Variants in ZSWIM6 observed in about 807,000 individuals in gnomAD.
ZSWIM6 encodes zinc finger SWIM domain-containing protein 6.
A neutral mutation model predicts 113.2 loss-of-function variants in ZSWIM6; 9 were observed. The ratio of observed to expected loss-of-function variants is 0.08; its 90% confidence interval spans 0.05 to 0.14. ZSWIM6 has a LOEUF of 0.14. Among genes scored for constraint, ZSWIM6 ranks in the 10% least tolerant of loss-of-function variants. The pLI, the probability that ZSWIM6 is intolerant of heterozygous loss-of-function variation, is 1.00. For synonymous variants in ZSWIM6, 611 were observed against 606.5 expected, an observed-to-expected ratio of 1.01 and a Z score of -0.11; for missense variants, 1,162 against 1,552.2, an observed-to-expected ratio of 0.75 and a Z score of 4.22.
intron 1 of ZSWIM6, among the ~76,000 whole-genome samples, chr5:61,432,583 T>C (rs990769540): frequency 1.3e-5 from 2 of 152,212 alleles, no homozygotes; most frequent in Non-Finnish European, 2.9e-5. Flanking sequence ...AGTTTCTTTA[T>C]GTCAGATGGG....
chr5:61,420,491 A>ATT (rs35661776), intron 1 of ZSWIM6, among the ~76,000 whole-genome samples: 181 of 148,588 alleles, frequency 1.2e-3, no homozygotes, highest in African/African-American at 4.0e-3. Flanking sequence ...CCAGAACACA[A>ATT]TTTTTTTTTT....
At chr5:61,382,648 CA>C (rs1286888865) in intron 1 of ZSWIM6, among the ~76,000 whole-genome samples, 1 of 151,630 alleles carries the variant, frequency 6.6e-6, no homozygotes, top group East Asian at 1.9e-4. Context: ...ACTAAAAATA[CA>C]AAAAAATTAG....
intron 3 of ZSWIM6, among the ~76,000 whole-genome samples, chr5:61,493,870 T>G (rs905290315): frequency 2.6e-5 from 4 of 151,024 alleles, no homozygotes; most frequent in Admixed American, 2.0e-4. Context: ...GAAGGAGAAC[T>G]GGAAAAAAAG....
chr5:61,509,657 A>T (rs1748724729), intron 4 of ZSWIM6, among the ~76,000 whole-genome samples: 1 of 152,164 alleles, frequency 6.6e-6, no homozygotes, highest in African/African-American at 2.4e-5. Flanking sequence ...GCTAGAGAGA[A>T]TAATGTCTAC....
intron 9 of ZSWIM6, among the ~76,000 whole-genome samples, 198 bp downstream of exon 9, chr5:61,531,923 C>T (rs1749446070): frequency 6.6e-6 from 1 of 152,120 alleles, no homozygotes; most frequent in Non-Finnish European, 1.5e-5. Context: ...AGATTTGTAT[C>T]ATTTGATTTA....
chr5:61,497,315 A>C (rs1410922577), intron 4 of ZSWIM6, among the ~76,000 whole-genome samples: 1 of 152,150 alleles, frequency 6.6e-6, no homozygotes, highest in East Asian at 1.9e-4. Flanking sequence ...GTGATCTATG[A>C]AAATTTAAAT....
At chr5:61,431,247 C>G (rs1404768204) in intron 1 of ZSWIM6, among the ~76,000 whole-genome samples, 1 of 151,694 alleles carries the variant, frequency 6.6e-6, no homozygotes, top group African/African-American at 2.4e-5. Context: ...GTGGTACGTG[C>G]CTGTAGTCCC....
Position 61,472,363 on chromosome 5 carries a change from G to A in ZSWIM6, c.677-318G>A, listed in dbSNP as rs1747592866. On this transcript the variant is annotated intron_variant, in intron 1 of 13. Transcript: ENST00000252744. The surrounding 1 kb of genome is among the most constrained non-coding windows in gnomAD (Gnocchi z 4.1). ...TTGTGTTGTATACCACTGATTCAGA[G>A]CAGAGTAATGATGGCCTCTTAGTGC... is the stretch of plus-strand genomic sequence containing the variant. Among the ~76,000 whole-genome samples, 1 of 152,184 alleles carries A rather than the reference G, an allele frequency of 6.6e-6. No homozygotes were observed. Among genetic ancestry groups the A allele is most frequent in the African/African-American group, 2.4e-5 (1 of 41,428 alleles).
chr5:61,468,246 G>C (rs900201197), intron 1 of ZSWIM6, among the ~76,000 whole-genome samples: 2 of 152,092 alleles, frequency 1.3e-5, no homozygotes, highest in African/African-American at 4.8e-5. Flanking sequence ...ATACAACACC[G>C]TGCCTTGGTT....
At chr5:61,439,780 G>A (rs989212467) in intron 1 of ZSWIM6, among the ~76,000 whole-genome samples, 4 of 152,186 alleles carry the variant, frequency 2.6e-5, no homozygotes, top group Admixed American at 2.0e-4. Context: ...GAGAATATAC[G>A]TAGCTTTTAA....
chr5:61,379,885 A>G (rs1468173108), intron 1 of ZSWIM6, among the ~76,000 whole-genome samples: 2 of 152,146 alleles, frequency 1.3e-5, no homozygotes, highest in Non-Finnish European at 2.9e-5. Flanking sequence ...ATTCAAAAGG[A>G]ACTGAAAGTG....
intron 4 of ZSWIM6, among the ~76,000 whole-genome samples, chr5:61,513,239 G>A (rs1350129540): frequency 6.6e-6 from 1 of 152,000 alleles, no homozygotes; most frequent in Non-Finnish European, 1.5e-5. Flanking sequence ...AGCCTTTTCA[G>A]ATTGGATCAC....
intron 1 of ZSWIM6, among the ~76,000 whole-genome samples, chr5:61,400,516 G>A (rs894940626): frequency 2.0e-5 from 3 of 152,102 alleles, no homozygotes; most frequent in African/African-American, 7.2e-5. Context: ...TTTGTTATTG[G>A]TTTCTTTTAT....
chr5:61,517,935 T>C (rs1580057174), intron 4 of ZSWIM6, among the ~76,000 whole-genome samples: 1 of 76,584 alleles, frequency 1.3e-5, no homozygotes, highest in Non-Finnish European at 2.4e-5. Context: ...CCAAATGCTA[T>C]CCCTCCCCCC....
At chr5:61,453,792 C>G (rs560327604) in intron 1 of ZSWIM6, among the ~76,000 whole-genome samples, 1 of 151,862 alleles carries the variant, frequency 6.6e-6, no homozygotes, top group South Asian at 2.1e-4. Context: ...TTAAACTCCA[C>G]CTACAGGAGG....
intron 1 of ZSWIM6, among the ~76,000 whole-genome samples, chr5:61,424,393 A>G (rs1746420754): frequency 6.6e-6 from 1 of 152,178 alleles, no homozygotes; most frequent in Non-Finnish European, 1.5e-5. Context: ...CATAAAGGAG[A>G]AAATAAAGAT....
At chr5:61,364,857 T>C (rs911445048) in intron 1 of ZSWIM6, among the ~76,000 whole-genome samples, 1 of 152,232 alleles carries the variant, frequency 6.6e-6, no homozygotes, top group South Asian at 2.1e-4. Context: ...CACCATCACA[T>C]TGGTAAATTT....
At chr5:61,541,357 A>G (rs1035179972) in intron 12 of ZSWIM6, among the ~76,000 whole-genome samples, 1 of 152,196 alleles carries the variant, frequency 6.6e-6, no homozygotes, top group Non-Finnish European at 1.5e-5. Context: ...TAATGATATC[A>G]AGGATGATTT....
At chr5:61,521,146 AT>A (rs1451142534) in intron 4 of ZSWIM6, 116 bp from the exon 5 acceptor site, 1 of 529,512 alleles carries the variant, frequency 1.9e-6, no homozygotes, top group Non-Finnish European at 2.6e-6. Flanking sequence ...TAAATTTAAA[AT>A]TTTAAATATA....
Sources: gnomAD v4.1 joint callset for allele counts (sites outside exome capture counted in the v4.1 genomes callset) on GRCh38, gnomAD v4.1.1 for gene constraint, Gnocchi (gnomAD v3.1) non-coding constraint, MANE v1.5 for transcripts, NCBI Gene and HGNC (gene_info 2026-07-23, HGNC 2026-07-21) for gene names.